DISP1: variants seen among roughly 807,000 people sequenced by gnomAD.
The protein encoded by DISP1 is protein dispatched homolog 1.
DISP1 carries 30 observed loss-of-function variants against 37.3 expected under a neutral mutation model. That is an observed-to-expected ratio of 0.80 (90% CI 0.60 to 1.09). The LOEUF (loss-of-function observed/expected upper bound fraction) is 1.09, where lower values mean the gene tolerates loss of function less well. Ranked by LOEUF, DISP1 falls within the 50% of genes least tolerant of loss-of-function variation. The pLI is 0.00. For missense variants in DISP1, 1,598 were observed against 1,879.5 expected (o/e 0.85, Z 2.77); for synonymous variants, 634 against 690.2 (o/e 0.92, Z 1.28).
At chr1:222,887,941 C>T (rs1315976526) in intron 1 of DISP1, among the ~76,000 whole-genome samples, 1 of 152,142 alleles carries the variant, frequency 6.6e-6, no homozygotes, top group African/African-American at 2.4e-5. Flanking sequence ...ATTATAATTT[C>T]ATTATTTCAG....
intron 1 of DISP1, among the ~76,000 whole-genome samples, chr1:222,834,610 T>TA (rs1261878146): frequency 1.3e-5 from 2 of 152,184 alleles, no homozygotes; most frequent in African/African-American, 4.8e-5. Flanking sequence ...CAGACTGCTT[T>TA]AAAAAATGGT....
At chr1:222,994,384 A>G (rs1021820517) in intron 7 of DISP1, among the ~76,000 whole-genome samples, 1 of 152,166 alleles carries the variant, frequency 6.6e-6, no homozygotes, top group African/African-American at 2.4e-5. Flanking sequence ...GAGACCATGT[A>G]CTCGACCAGA....
chr1:222,988,845 G>GT (rs1291270186), intron 4 of DISP1, among the ~76,000 whole-genome samples: 3 of 151,948 alleles, frequency 2.0e-5, no homozygotes, highest in Non-Finnish European at 4.4e-5. Context: ...TAGAGACAGA[G>GT]TTTCACCATG....
chr1:222,995,051 C>G, intron 8 of DISP1, 69 bp downstream of exon 8: 1 of 1,268,704 alleles, frequency 7.9e-7, no homozygotes, highest in Non-Finnish European at 1.1e-6. Flanking sequence ...CCTTTTACTG[C>G]TGACCCTGGT....
Position 223,004,178 on chromosome 1 carries a change from C to T in DISP1, c.2781C>T (p.Phe927=), listed in dbSNP as rs375333427. 2.1e-4 allele frequency: 345 copies of T among 1,614,006 alleles called. No individual in the cohort carries two copies. The highest frequency in any genetic ancestry group is 2.8e-4 in the Non-Finnish European group (335 of 1,180,024). ...CTATCAGGGCAGTGGTGTTAGAGTT[C>T]CAGAGTACCTACCTCTTCACACTGG... ...NDTIRAVVLE[F]QSTYLFTLAY... Residue 927 remains phenylalanine, a synonymous_variant, in exon 9 of 9, where the codon TTC becomes TTT. Coordinates refer to ENST00000675850, the MANE Select transcript of DISP1 (RefSeq NM_001377229.1). The surrounding 1 kb of genome is among the most constrained non-coding windows in gnomAD (Gnocchi z 4.9).
Position 223,005,134 on chromosome 1 carries a change from A to G in DISP1, c.3737A>G (p.Asp1246Gly), listed in dbSNP as rs764362546. 4.3e-6 allele frequency: 7 copies of G among 1,614,154 alleles called. No individual in the cohort carries two copies. The highest frequency in any genetic ancestry group is 1.7e-5 in the Admixed American group (1 of 60,012). ...NSELSKSTES[D>G]AGSALLQPPL... ...GAACTCAGCAAAAGCACTGAAAGTG[A>G]CGCTGGCTCTGCCTTGTTACAGCCC... Residue 1246 changes from aspartate (D) to glycine (G), a missense_variant, in exon 9 of 9, where the codon GAC becomes GGC. Transcript: ENST00000675850.
chr1:222,846,317 C>A (rs1558289566), intron 1 of DISP1, among the ~76,000 whole-genome samples: 1 of 152,152 alleles, frequency 6.6e-6, no homozygotes, highest in Non-Finnish European at 1.5e-5. Flanking sequence ...CACGGCAAAA[C>A]CCCGTCTCTA....
intron 3 of DISP1, among the ~76,000 whole-genome samples, chr1:222,978,922 A>G (rs1276808761): frequency 6.6e-6 from 1 of 152,166 alleles, no homozygotes; most frequent in Non-Finnish European, 1.5e-5. Context: ...TGGTTACTGT[A>G]GCCTTGTAGT....
At chr1:223,000,401 T>C (rs1221351578) in intron 8 of DISP1, among the ~76,000 whole-genome samples, 1 of 152,196 alleles carries the variant, frequency 6.6e-6, no homozygotes, top group Non-Finnish European at 1.5e-5. Context: ...TGTTTTTATC[T>C]GGAAACAGTC....
intron 1 of DISP1, among the ~76,000 whole-genome samples, chr1:222,901,978 T>C (rs569315960): frequency 1.3e-5 from 2 of 152,334 alleles, no homozygotes. Context: ...TGGTAGTTTG[T>C]ATTTCTGTGG....
At position 223,004,238 on chromosome 1, in the gene DISP1, G is replaced by A. The variant is rs1358134732; in HGVS notation, c.2841G>A (p.Val947=). Reference sequence around the variant, plus strand: ...AGATGCATCAGTTTTATAAAGAGGTGGACTCGTGGATATCCAGTGAGCTGA... The same window carrying A: ...AGATGCATCAGTTTTATAAAGAGGTAGACTCGTGGATATCCAGTGAGCTGA... ...YEKMHQFYKE[V]DSWISSELSS... The change falls in exon 9 of 9, where the codon GTG becomes GTA. Residue 947 remains valine (V), a synonymous_variant. Coordinates refer to ENST00000675850, the MANE Select transcript of DISP1 (RefSeq NM_001377229.1). The surrounding 1 kb of genome is among the most constrained non-coding windows in gnomAD (Gnocchi z 4.9). 3 of 1,614,094 alleles carry A rather than the reference G, an allele frequency of 1.9e-6. No homozygotes were observed. In the East Asian group the frequency reaches 6.7e-5, roughly 36 times the overall value.
intron 3 of DISP1, among the ~76,000 whole-genome samples, chr1:222,961,442 A>G (rs752964790): frequency 4.6e-5 from 7 of 152,208 alleles, no homozygotes; most frequent in African/African-American, 1.4e-4. Flanking sequence ...AAAATTCTCA[A>G]TAAACTAGGT....
At chr1:222,943,483 AAAACGC>A in intron 3 of DISP1, 151 bp downstream of exon 3, 1 of 1,028,096 alleles carries the variant, frequency 9.7e-7, no homozygotes. Flanking sequence ...GAAGCCAACA[AAAACGC>A]AAATAAAATA....
intron 1 of DISP1, among the ~76,000 whole-genome samples, chr1:222,907,220 A>C (rs1558322773): frequency 6.6e-6 from 1 of 152,208 alleles, no homozygotes; most frequent in Non-Finnish European, 1.5e-5. Flanking sequence ...TGAGGACTCT[A>C]ATAATCAGAA....
At chr1:222,936,981 A>AAT (rs1480019599) in intron 2 of DISP1, among the ~76,000 whole-genome samples, 1 of 91,902 alleles carries the variant, frequency 1.1e-5, no homozygotes, top group East Asian at 2.5e-4. Context: ...AATATTTTAT[A>AAT]ATATATATAA....
intron 1 of DISP1, chr1:222,837,131 G>A: frequency 2.5e-6 from 1 of 398,374 alleles, no homozygotes; most frequent in Non-Finnish European, 4.4e-6. Flanking sequence ...AGAGATGCGG[G>A]CAACTTTTTG....
intron 2 of DISP1, among the ~76,000 whole-genome samples, chr1:222,934,780 C>T (rs1673614117): frequency 6.6e-6 from 1 of 151,936 alleles, no homozygotes. Context: ...TGCTTCAGTC[C>T]ATTTATATGA....
intron 1 of DISP1, among the ~76,000 whole-genome samples, chr1:222,871,818 C>A (rs1295491311): frequency 1.3e-5 from 2 of 152,172 alleles, no homozygotes; most frequent in Non-Finnish European, 1.5e-5. Context: ...GAACTTCCAA[C>A]ACTATGTTGA....
rs759769595 is a variant in DISP1 at position 222,943,133 on chromosome 1, G to A, written c.310G>A (p.Ala104Thr). The A allele has an allele frequency of 1.2e-6, 2 of 1,613,580 alleles. No individual in the cohort carries two copies. Among genetic ancestry groups the A allele is most frequent in the South Asian group, 2.2e-5 (2 of 91,076 alleles). Residue 104 changes from alanine to threonine, a missense_variant, in exon 3 of 9, where the codon GCT becomes ACT. Transcript: ENST00000675850. ...CAGTCACCAAGAGTGCCATCCCGAG[G>A]CTGGCCCTGCAGCACCCTCTGCTTT... ...HSSHQECHPEAGPAAPSALAS... is the reference protein window; with the variant it reads ...HSSHQECHPETGPAAPSALAS...
Sources: gnomAD v4.1 joint callset for allele counts (sites outside exome capture counted in the v4.1 genomes callset) on GRCh38, gnomAD v4.1.1 for gene constraint, Gnocchi (gnomAD v3.1) non-coding constraint, MANE v1.5 for transcripts, NCBI Gene and HGNC (gene_info 2026-07-23, HGNC 2026-07-21) for gene names.